ADGRL3: variants seen among roughly 807,000 people sequenced by gnomAD.
ADGRL3 encodes calcium-independent alpha-latrotoxin receptor 3.
A neutral mutation model predicts 153.5 loss-of-function variants in ADGRL3; 62 were observed. The observed-to-expected ratio is 0.40, with a 90% CI of 0.33 to 0.50. ADGRL3 has a LOEUF of 0.50. Ranked by LOEUF, ADGRL3 falls within the 20% of genes least tolerant of loss-of-function variation. The probability of loss-of-function intolerance (pLI) is 0.47; values close to 1 mark genes in which losing one functional copy is unlikely to be tolerated. For missense variants in ADGRL3, 1,641 were observed against 1,859.4 expected (o/e 0.88, Z 2.16); for synonymous variants, 710 against 672.5 (o/e 1.06, Z -0.86).
chr4:61,347,074 G>A (rs993598850), intron 1 of ADGRL3, among the ~76,000 whole-genome samples: 50 of 152,162 alleles, frequency 3.3e-4, no homozygotes, highest in African/African-American at 1.2e-3. Flanking sequence ...TGTATAGAAT[G>A]TTAGAGTTAA....
rs146870192 is a variant in ADGRL3 at position 61,933,138 on chromosome 4, T to G, written c.2113-1702T>G. ...ATGGCTGCTCCATAAGGAACAGACA[T>G]AATTTCTGTTGCATGTGGGATTTTC... is the stretch of plus-strand genomic sequence containing the variant. On this transcript the variant is annotated intron_variant, in intron 13 of 26. Coordinates refer to ENST00000683033, the MANE Select transcript of ADGRL3 (RefSeq NM_001387552.1). Among the ~76,000 whole-genome samples the G allele has an allele frequency of 1.4e-4, 21 of 152,222 alleles. No homozygotes were observed. The East Asian group carries it at 2.3e-3, about 17-fold the overall frequency.
At chr4:61,690,678 T>A (rs184736999) in intron 6 of ADGRL3, among the ~76,000 whole-genome samples, 62 of 152,276 alleles carry the variant, frequency 4.1e-4, no homozygotes, top group African/African-American at 1.4e-3. Flanking sequence ...AGAGGAAATG[T>A]ATTTATTTCT....
chr4:61,750,427 T>C (rs1203379134), intron 8 of ADGRL3, among the ~76,000 whole-genome samples: 1 of 152,098 alleles, frequency 6.6e-6, no homozygotes, highest in Non-Finnish European at 1.5e-5. Flanking sequence ...ATTGCCTCCA[T>C]CAGGGATTTA....
At chr4:61,505,552 C>G (rs2098422471) in intron 3 of ADGRL3, among the ~76,000 whole-genome samples, 1 of 152,030 alleles carries the variant, frequency 6.6e-6, no homozygotes, top group South Asian at 2.1e-4. Flanking sequence ...TGATTAAACT[C>G]TGGTAGCCAA....
At chr4:61,206,455 C>T (rs536898179) in intron 1 of ADGRL3, among the ~76,000 whole-genome samples, 36 of 152,270 alleles carry the variant, frequency 2.4e-4, no homozygotes, top group African/African-American at 7.9e-4. Flanking sequence ...CTCTGACACC[C>T]TTTCAGAGGA....
At chr4:61,250,728 A>G (rs1758914850) in intron 1 of ADGRL3, among the ~76,000 whole-genome samples, 1 of 152,182 alleles carries the variant, frequency 6.6e-6, no homozygotes, top group Admixed American at 6.5e-5. Context: ...GCTGTGTGTT[A>G]CTGACAGCTG....
At chr4:62,064,198 A>G (rs943016464) in intron 25 of ADGRL3, among the ~76,000 whole-genome samples, 1 of 152,074 alleles carries the variant, frequency 6.6e-6, no homozygotes, top group Non-Finnish European at 1.5e-5. Context: ...TAGTTCTGCC[A>G]TTGCCAGTAA....
At chr4:61,888,794 T>A (rs184326359) in intron 9 of ADGRL3, among the ~76,000 whole-genome samples, 183 of 152,258 alleles carry the variant, frequency 1.2e-3, no homozygotes, top group Non-Finnish European at 1.8e-3. Flanking sequence ...CAAATTGAAG[T>A]TTTTTAAAAA....
Position 62,071,020 on chromosome 4 carries a change from C to A in ADGRL3, c.*112C>A. 4 of 925,772 alleles carry A rather than the reference C, an allele frequency of 4.3e-6. No homozygotes were observed. Among genetic ancestry groups the A allele is most frequent in the East Asian group, 2.7e-5 (1 of 37,456 alleles). The allele number at this position is 925,772 out of a possible 1,614,324, so 57.3% of individuals were successfully genotyped here. A position where few individuals can be genotyped will look rare whatever the true frequency, so the allele number is the denominator to read the frequency against. On this transcript the variant is annotated 3_prime_UTR_variant, in exon 27 of 27. Transcript: ENST00000683033. ...TACTCCTAAATCTTTATGCTGTCCTCTAAAGACAAACACAAACTCTCAGAC... is the reference window on the plus strand; with the variant it reads ...TACTCCTAAATCTTTATGCTGTCCTATAAAGACAAACACAAACTCTCAGAC...
chr4:61,597,564 C>T (rs887287062), intron 5 of ADGRL3, among the ~76,000 whole-genome samples: 12 of 151,690 alleles, frequency 7.9e-5, no homozygotes, highest in Non-Finnish European at 1.6e-4. Context: ...AGTTCTTTAC[C>T]AATACAAACA....
intron 4 of ADGRL3, among the ~76,000 whole-genome samples, chr4:61,581,591 C>T (rs2098925732): frequency 6.6e-6 from 1 of 151,982 alleles, no homozygotes; most frequent in Non-Finnish European, 1.5e-5. Context: ...TATCCTGACT[C>T]AAATGGACCT....
At position 62,057,720 on chromosome 4, in the gene ADGRL3, C is replaced by G. The variant is rs1737818698; in HGVS notation, c.3815-10446C>G. ...TGAGACAGGGTCTTGCTCTGTCGCC[C>G]AGGCTGGAATGCAGTGGTGTGATCT... On this transcript the variant is annotated intron_variant, in intron 25 of 26. Transcript: ENST00000683033. 1.3e-5 allele frequency among the ~76,000 whole-genome samples: 2 copies of G among 152,080 alleles called. 1 individual carries two copies. Among genetic ancestry groups the G allele is most frequent in the South Asian group, 4.1e-4 (2 of 4,830 alleles).
At chr4:61,562,107 A>G (rs1180754282) in intron 4 of ADGRL3, among the ~76,000 whole-genome samples, 1 of 152,196 alleles carries the variant, frequency 6.6e-6, no homozygotes, top group African/African-American at 2.4e-5. Context: ...TGACTTCTCA[A>G]TGCATATAAA....
intron 25 of ADGRL3, among the ~76,000 whole-genome samples, chr4:62,045,378 A>G (rs1338621296): frequency 6.6e-6 from 1 of 152,082 alleles, no homozygotes; most frequent in Non-Finnish European, 1.5e-5. Context: ...TATTTAGAAT[A>G]TAGTTTTATC....
At chr4:61,811,308 A>G (rs1328687461) in intron 8 of ADGRL3, among the ~76,000 whole-genome samples, 1 of 151,978 alleles carries the variant, frequency 6.6e-6, no homozygotes, top group African/African-American at 2.4e-5. Flanking sequence ...AAAGGAGTAA[A>G]GTACTGCTTT....
At chr4:61,636,173 T>A (rs1257009655) in intron 5 of ADGRL3, among the ~76,000 whole-genome samples, 1 of 152,112 alleles carries the variant, frequency 6.6e-6, no homozygotes, top group Non-Finnish European at 1.5e-5. Flanking sequence ...TTTTGCTGTG[T>A]GTGAATGTTA....
intron 1 of ADGRL3, among the ~76,000 whole-genome samples, chr4:61,337,443 TG>T (rs1391305548): frequency 3.9e-5 from 6 of 152,110 alleles, no homozygotes; most frequent in Non-Finnish European, 8.8e-5. Flanking sequence ...GCAACATGCT[TG>T]GGTTGCTACA....
Position 62,078,244 on chromosome 4 carries a change from C to T in ADGRL3, c.*7336C>T, listed in dbSNP as rs192004332. On this transcript the variant is annotated 3_prime_UTR_variant, in exon 27 of 27. Coordinates refer to ENST00000683033, the MANE Select transcript of ADGRL3 (RefSeq NM_001387552.1). Reference sequence around the variant, plus strand: ...CTATTGGATATTTCCCTTGTACAACCTTTACATCCTTTTTTTTTCCTTAAA... The same window carrying T: ...CTATTGGATATTTCCCTTGTACAACTTTTACATCCTTTTTTTTTCCTTAAA... The T allele has an allele frequency of 6.6e-5, 10 of 151,952 alleles. No individual in the cohort carries two copies. The highest frequency in any genetic ancestry group is 2.1e-4 in the South Asian group (1 of 4,820). The allele number at this position is 151,952 out of a possible 1,614,324, so 9.4% of individuals were successfully genotyped here. A position where few individuals can be genotyped will look rare whatever the true frequency, so the allele number is the denominator to read the frequency against.
intron 1 of ADGRL3, among the ~76,000 whole-genome samples, chr4:61,203,164 C>G (rs1448834282): frequency 6.6e-6 from 1 of 152,196 alleles, no homozygotes; most frequent in African/African-American, 2.4e-5. Flanking sequence ...GTCCAGCCAG[C>G]GTAACTCCTG....
Sources: allele counts gnomAD v4.1 joint callset (sites outside exome capture counted in the v4.1 genomes callset), GRCh38; gene constraint gnomAD v4.1.1; transcripts MANE v1.5; gene names NCBI Gene and HGNC (gene_info 2026-07-23, HGNC 2026-07-21).